GREM1: variants seen among roughly 807,000 people sequenced by gnomAD.
The protein encoded by GREM1 is gremlin-1.
GREM1 carries 6 observed loss-of-function variants against 13.1 expected under a neutral mutation model. The ratio of observed to expected loss-of-function variants is 0.46; its 90% CI spans 0.25 to 0.91. The LOEUF is 0.91. Ranked by LOEUF, GREM1 falls within the 40% of genes least tolerant of loss-of-function variation. The probability of loss-of-function intolerance (pLI) is 0.18; values close to 1 mark genes in which losing one functional copy is unlikely to be tolerated. For synonymous variants in GREM1, 98 were observed against 93.7 expected (o/e 1.05, Z -0.27); for missense variants, 185 against 233.9 (o/e 0.79, Z 1.36).
chr15:32,729,270 G>GC (rs1219908732), intron 1 of GREM1, among the ~76,000 whole-genome samples: 1 of 151,882 alleles, frequency 6.6e-6, no homozygotes, highest in African/African-American at 2.4e-5. Flanking sequence ...GTGATCCGCC[G>GC]CCCATCTGGG....
At position 32,743,513 on chromosome 15, in the gene GREM1, C is replaced by T. The variant is rs1056033556; in HGVS notation, c.*12268C>T. On this transcript the variant is annotated 3_prime_UTR_variant, in exon 2 of 2. Transcript: ENST00000651154. ...TTTAGTAGCTTAAAACAACAAACAT[C>T]TATTATCTCATGCATTTCTGATATA... 1.3e-5 allele frequency: 2 copies of T among 152,144 alleles called. No individual in the cohort carries two copies. The highest frequency in any genetic ancestry group is 1.5e-5 in the Non-Finnish European group (1 of 68,038). 9.4% of individuals were successfully genotyped at this position (152,144 alleles called of 1,614,324 possible). A position where few individuals can be genotyped will look rare whatever the true frequency, so the allele number is the denominator to read the frequency against.
At chr15:32,719,230 C>T (rs1346424542) in intron 1 of GREM1, among the ~76,000 whole-genome samples, 1 of 152,238 alleles carries the variant, frequency 6.6e-6, no homozygotes, top group Non-Finnish European at 1.5e-5. Flanking sequence ...TATTTGTAGA[C>T]TACAGACTCC....
At position 32,735,025 on chromosome 15, in the gene GREM1, G is replaced by T. The variant is rs1426158499; in HGVS notation, c.*3780G>T. ...GGGAAAAGCAGGAGAAAGATTTGGG[G>T]CTCAGTAGAAGGAAAAGCTTCCTAG... On this transcript the variant is annotated 3_prime_UTR_variant, in exon 2 of 2. Transcript: ENST00000651154. 2 of 152,414 alleles carry T rather than the reference G, an allele frequency of 1.3e-5. No homozygotes were observed. The highest frequency in any genetic ancestry group is 4.8e-5 in the African/African-American group (2 of 41,442). The allele number at this position is 152,414 out of a possible 1,614,324, so 9.4% of individuals were successfully genotyped here. A position where few individuals can be genotyped will look rare whatever the true frequency, so the allele number is the denominator to read the frequency against.
chr15:32,728,890 C>T (rs757856514), intron 1 of GREM1, among the ~76,000 whole-genome samples: 24 of 152,170 alleles, frequency 1.6e-4, no homozygotes, highest in African/African-American at 5.3e-4. Context: ...TAATTCTCTC[C>T]GTGCCCCATG....
chr15:32,722,235 T>C lies in GREM1; in HGVS notation c.-2+4074T>C, dbSNP rs188353332. 3.9e-5 allele frequency among the ~76,000 whole-genome samples: 6 copies of C among 152,344 alleles called. No homozygotes were observed. The East Asian group carries it at 1.2e-3, about 29-fold the overall frequency. ...AAGATTTAGACCTGAGAAAAAGGAATAGATCTTTCTAAAACCTGGCCTGCA... is the reference window on the plus strand; with the variant it reads ...AAGATTTAGACCTGAGAAAAAGGAACAGATCTTTCTAAAACCTGGCCTGCA... On this transcript the variant is annotated intron_variant, in intron 1 of 1. Transcript: ENST00000651154.
rs899871410 is a variant in GREM1 at position 32,737,222 on chromosome 15, A to G, written c.*5977A>G. Reference sequence around the variant, plus strand: ...AAAGAAGAATTGGTACAAATTCTTCACAAACTCTTCCAGAAATGGAAGAGG... The same window carrying G: ...AAAGAAGAATTGGTACAAATTCTTCGCAAACTCTTCCAGAAATGGAAGAGG... On this transcript the variant is annotated 3_prime_UTR_variant, in exon 2 of 2. Coordinates refer to ENST00000651154, the MANE Select transcript of GREM1 (RefSeq NM_013372.7). 3.9e-5 allele frequency: 6 copies of G among 152,238 alleles called. No homozygotes were observed. The highest frequency in any genetic ancestry group is 1.4e-4 in the African/African-American group (6 of 41,458). 9.4% of individuals were successfully genotyped at this position (152,238 alleles called of 1,614,324 possible).
At chr15:32,722,572 T>G (rs980424588) in intron 1 of GREM1, among the ~76,000 whole-genome samples, 1 of 152,226 alleles carries the variant, frequency 6.6e-6, no homozygotes, top group Non-Finnish European at 1.5e-5. Context: ...TCCTCAGTAT[T>G]AGAATATTGT....
chr15:32,739,002 C>A lies in GREM1; in HGVS notation c.*7757C>A, dbSNP rs2055738650. The stretch of plus-strand genomic sequence containing the variant: ...AAAGCTTTCCCCATACAGGAACTAA[C>A]AGGATATCTGCTGTCACTATTTTTA... On this transcript the variant is annotated 3_prime_UTR_variant, in exon 2 of 2. Transcript: ENST00000651154. 1 of 152,132 alleles carries A rather than the reference C, an allele frequency of 6.6e-6. No individual in the cohort carries two copies. The highest frequency in any genetic ancestry group is 2.4e-5 in the African/African-American group (1 of 41,420). The allele number at this position is 152,132 out of a possible 1,614,324, so 9.4% of individuals were successfully genotyped here.
intron 1 of GREM1, among the ~76,000 whole-genome samples, chr15:32,726,068 C>T (rs1162887427): frequency 1.3e-5 from 2 of 152,006 alleles, no homozygotes; most frequent in African/African-American, 4.8e-5. Context: ...AGTCAGGTAG[C>T]GTGATGCTTT....
intron 1 of GREM1, among the ~76,000 whole-genome samples, chr15:32,719,731 C>A (rs1395585893): frequency 6.6e-6 from 1 of 152,054 alleles, no homozygotes; most frequent in Non-Finnish European, 1.5e-5. Context: ...TCCCAGGGAC[C>A]CCAGAGTAGT....
chr15:32,719,877 G>T (rs1381542353), intron 1 of GREM1, among the ~76,000 whole-genome samples: 1 of 152,136 alleles, frequency 6.6e-6, no homozygotes, highest in Non-Finnish European at 1.5e-5. Context: ...GAAGGAGGGG[G>T]AGCATGAGAG....
chr15:32,724,337 G>C (rs2055460490), intron 1 of GREM1, among the ~76,000 whole-genome samples: 1 of 152,220 alleles, frequency 6.6e-6, no homozygotes, highest in Admixed American at 6.5e-5. Flanking sequence ...AGAGGGTCCT[G>C]GTCTAGGAGG....
intron 1 of GREM1, among the ~76,000 whole-genome samples, chr15:32,720,201 A>C (rs755463267): frequency 2.2e-4 from 34 of 152,100 alleles, no homozygotes; most frequent in Non-Finnish European, 4.4e-4. Context: ...TTTTAGTGAA[A>C]TGTTTTGGTA....
At chr15:32,728,125 G>GA (rs550405178) in intron 1 of GREM1, among the ~76,000 whole-genome samples, 40 of 151,834 alleles carry the variant, frequency 2.6e-4, no homozygotes, top group Admixed American at 1.0e-3. Context: ...CACAGAATTA[G>GA]AAAAAAACTA....
chr15:32,721,968 G>C (rs764610396), intron 1 of GREM1, among the ~76,000 whole-genome samples: 3 of 152,102 alleles, frequency 2.0e-5, no homozygotes, highest in African/African-American at 4.8e-5. Context: ...TCACAACCAG[G>C]TGGTCTCCTC....
rs1312812216 is a variant in GREM1 at position 32,737,965 on chromosome 15, T to C, written c.*6720T>C. ...AAAAAAGAAAAGAAAAACCCACAGCTAACATCATACTTAAAGGTGAAAGAC... is the reference window on the plus strand; with the variant it reads ...AAAAAAGAAAAGAAAAACCCACAGCCAACATCATACTTAAAGGTGAAAGAC... On this transcript the variant is annotated 3_prime_UTR_variant, in exon 2 of 2. Transcript: ENST00000651154. 1.6e-5 allele frequency: 2 copies of C among 123,878 alleles called. No individual in the cohort carries two copies. Among genetic ancestry groups the C allele is most frequent in the Non-Finnish European group, 3.4e-5 (2 of 58,330 alleles). 7.7% of individuals were successfully genotyped at this position (123,878 alleles called of 1,614,324 possible). A position where few individuals can be genotyped will look rare whatever the true frequency, so the allele number is the denominator to read the frequency against.
intron 1 of GREM1, among the ~76,000 whole-genome samples, chr15:32,727,422 A>G (rs2055530798): frequency 6.6e-6 from 1 of 152,238 alleles, no homozygotes; most frequent in Non-Finnish European, 1.5e-5. Context: ...GATGCAGAAA[A>G]GGCCTTCGAT....
chr15:32,724,510 C>A (rs547651486), intron 1 of GREM1, among the ~76,000 whole-genome samples: 2 of 152,302 alleles, frequency 1.3e-5, no homozygotes, highest in South Asian at 4.1e-4. Context: ...GAAACCTTCT[C>A]AAATTCACAC....
chr15:32,718,937 A>G, intron 1 of GREM1: 1 of 177,216 alleles, frequency 5.6e-6, no homozygotes, highest in Non-Finnish European at 1.2e-5. Context: ...GCTGAATGGT[A>G]GACGTTCTGG....
Sources: allele counts gnomAD v4.1 joint callset (sites outside exome capture counted in the v4.1 genomes callset), GRCh38; gene constraint gnomAD v4.1.1; transcripts MANE v1.5; gene names NCBI Gene and HGNC (gene_info 2026-07-23, HGNC 2026-07-21).